LRRC37A2: variants seen among roughly 807,000 people sequenced by gnomAD.
LRRC37A2 encodes the protein leucine-rich repeat-containing protein 37A2.
Under a neutral mutation model 68.8 loss-of-function variants are expected in LRRC37A2, and 9 were observed. That is an observed-to-expected ratio of 0.13 (90% CI 0.08 to 0.23). The LOEUF (loss-of-function observed/expected upper bound fraction) is 0.23. Among genes scored for constraint, LRRC37A2 ranks in the 10% least tolerant of loss-of-function variants. The pLI is 1.00. For missense variants in LRRC37A2, 168 were observed against 950.4 expected, an observed-to-expected ratio of 0.18 and a Z score of 10.82; for synonymous variants, 63 against 367.6, an observed-to-expected ratio of 0.17 and a Z score of 9.48.
At chr17:46,775,514 C>T in the LRRC37A2 span, among the ~76,000 whole-genome samples, 5 of 152,056 alleles carry the variant, frequency 3.3e-5, no homozygotes, top group Non-Finnish European at 5.9e-5. Context: ...AACTGAGGAG[C>T]CAGATCTGGG....
At chr17:46,793,437 T>C in the LRRC37A2 span, among the ~76,000 whole-genome samples, 15 of 152,262 alleles carry the variant, frequency 9.9e-5, no homozygotes, top group South Asian at 2.7e-3. Flanking sequence ...TAAATTCAAA[T>C]GCTGGGCTCC....
At chr17:46,822,844 A>G in the LRRC37A2 span, among the ~76,000 whole-genome samples, 385 of 151,784 alleles carry the variant, frequency 2.5e-3, 2 homozygotes, top group African/African-American at 8.9e-3. Flanking sequence ...CCGCTGACAT[A>G]TGGGAGGCTG....
At chr17:46,938,489 G>C in the LRRC37A2 span, 1 of 1,551,512 alleles carries the variant, frequency 6.4e-7, no homozygotes, top group East Asian at 2.2e-5. Flanking sequence ...TGTATTCTGG[G>C]CATGACCAAG....
chr17:46,991,072 G>A, the LRRC37A2 span, among the ~76,000 whole-genome samples: 3 of 152,152 alleles, frequency 2.0e-5, no homozygotes, highest in Non-Finnish European at 2.9e-5. Context: ...TGGTGGAACC[G>A]TGGGGTTCTA....
At chr17:46,966,401 G>T in the LRRC37A2 span, 1 of 562,880 alleles carries the variant, frequency 1.8e-6, no homozygotes, top group Admixed American at 3.0e-5. Context: ...TCAGATACCT[G>T]GTCCTTGTGA....
chr17:46,979,181 A>G, the LRRC37A2 span: 1 of 637,622 alleles, frequency 1.6e-6, no homozygotes, highest in Non-Finnish European at 2.3e-6. Flanking sequence ...ACCCCTGGGC[A>G]CCGGGCGGGA....
chr17:46,940,685 T>C, the LRRC37A2 span: 4 of 1,611,296 alleles, frequency 2.5e-6, no homozygotes, highest in African/African-American at 5.3e-5. Context: ...GGACATCTTT[T>C]CGTGGTGTGC....
the LRRC37A2 span, among the ~76,000 whole-genome samples, chr17:46,962,108 A>G: frequency 6.6e-6 from 1 of 152,174 alleles, no homozygotes; most frequent in Non-Finnish European, 1.5e-5. Context: ...CGGGCAGATC[A>G]TGAAGTCAGA....
chr17:46,786,087 A>G, the LRRC37A2 span, among the ~76,000 whole-genome samples: 1 of 110,388 alleles, frequency 9.1e-6, no homozygotes, highest in African/African-American at 3.6e-5. Context: ...ATTTCACAGG[A>G]AAGTGAAGTT....
the LRRC37A2 span, chr17:46,768,610 G>A: frequency 1.9e-6 from 3 of 1,614,152 alleles, no homozygotes; most frequent in South Asian, 1.1e-5. The surrounding 1 kb of genome is among the most constrained non-coding windows in gnomAD (Gnocchi z 5.0). Context: ...TACTTGGCCC[G>A]GAGGGTCTCC....
chr17:46,568,796 A>G, the LRRC37A2 span, among the ~76,000 whole-genome samples: 1 of 107,094 alleles, frequency 9.3e-6, no homozygotes, highest in Non-Finnish European at 1.8e-5. Context: ...AAAAAAAAAA[A>G]GGAAAAAAAA....
chr17:46,757,851 G>A, the LRRC37A2 span, among the ~76,000 whole-genome samples: 5 of 152,032 alleles, frequency 3.3e-5, no homozygotes, highest in Non-Finnish European at 4.4e-5. Context: ...AAAAACAGCC[G>A]GGTGTGGTGG....
the LRRC37A2 span, among the ~76,000 whole-genome samples, chr17:46,492,693 T>G: frequency 3.8e-5 from 1 of 26,314 alleles, no homozygotes; most frequent in African/African-American, 7.6e-5. Flanking sequence ...TGTTTTGTTT[T>G]TTTTTTTTTT....
the LRRC37A2 span, among the ~76,000 whole-genome samples, chr17:46,904,586 G>T: frequency 6.6e-6 from 1 of 152,018 alleles, no homozygotes; most frequent in African/African-American, 2.4e-5. Flanking sequence ...GATAGGTGAT[G>T]GGAAGATGTG....
chr17:46,942,098 A>G, the LRRC37A2 span: 1 of 271,646 alleles, frequency 3.7e-6, no homozygotes, highest in Non-Finnish European at 5.6e-6. Flanking sequence ...ACAAGAACAA[A>G]TCAAGTCAGT....
chr17:46,806,150 T>C, the LRRC37A2 span, among the ~76,000 whole-genome samples: 1 of 152,026 alleles, frequency 6.6e-6, no homozygotes, highest in Non-Finnish European at 1.5e-5. Context: ...TCCTTACAGC[T>C]CCTGGTTGGG....
the LRRC37A2 span, among the ~76,000 whole-genome samples, chr17:46,835,509 C>T: frequency 3.9e-5 from 6 of 152,324 alleles, no homozygotes; most frequent in African/African-American, 1.2e-4. Context: ...CCACGCCCAG[C>T]CCAGTCTCCC....
At chr17:47,004,297 G>T in the LRRC37A2 span, among the ~76,000 whole-genome samples, 4 of 152,206 alleles carry the variant, frequency 2.6e-5, no homozygotes, top group African/African-American at 9.7e-5. Flanking sequence ...AATCGCCACA[G>T]TGTCTTCCAC....
chr17:46,908,599 A>G, the LRRC37A2 span, among the ~76,000 whole-genome samples: 1 of 152,158 alleles, frequency 6.6e-6, no homozygotes, highest in Non-Finnish European at 1.5e-5. Flanking sequence ...CTGTGAGTTC[A>G]GCTGTGGACT....
Sources: allele counts gnomAD v4.1 joint callset (sites outside exome capture counted in the v4.1 genomes callset), GRCh38; gene constraint gnomAD v4.1.1; non-coding constraint Gnocchi (gnomAD v3.1); transcripts MANE v1.5; gene names NCBI Gene and HGNC (gene_info 2026-07-23, HGNC 2026-07-21).